Variants in FOXK1 observed in about 807,000 individuals in gnomAD.
FOXK1 encodes forkhead box protein K1.
Under a neutral mutation model 51.9 loss-of-function variants are expected in FOXK1, and 19 were observed. The observed-to-expected ratio is 0.37, with a 90% CI of 0.26 to 0.54. The LOEUF (loss-of-function observed/expected upper bound fraction) is 0.54, where lower values mean the gene tolerates loss of function less well. FOXK1 is among the 20% of genes least tolerant of loss of function. FOXK1 has a pLI of 0.87. For synonymous variants in FOXK1, 537 were observed against 482.6 expected (o/e 1.11, Z -1.48); for missense variants, 870 against 1,032.7 (o/e 0.84, Z 2.16).
rs1562393133 is a variant in FOXK1 at position 4,762,291 on chromosome 7, G to GCGGCCA, written c.2037_2042dup (p.Ala680_Thr681dup). 1.9e-6 allele frequency: 3 copies of GCGGCCA among 1,550,340 alleles called. No individual in the cohort carries two copies. The highest frequency in any genetic ancestry group is 2.0e-5 in the Admixed American group (1 of 50,994). ...GCCCAAGGAGCCAGCAGCAGCCGTC[G>GCGGCCA]CGGCCACGGCCACCACCACCCCAGC... On this transcript the variant is annotated inframe_insertion, in exon 9 of 9. Transcript: ENST00000328914. This position sits in a 1 kb window ranked among gnomAD's most constrained non-coding sequence, Gnocchi z 5.7.
At position 4,760,672 on chromosome 7, in the gene FOXK1, G is replaced by A. The variant is rs564547183; in HGVS notation, c.1697-392G>A. On this transcript the variant is annotated intron_variant, in intron 7 of 8. Transcript: ENST00000328914. ...TCAAGACCAGCCTGGCCAACATGGT[G>A]AAACCCCATCTCTACTGAAAATACA... Among the ~76,000 whole-genome samples the A allele has an allele frequency of 2.5e-4, 38 of 152,216 alleles. No homozygotes were observed. The South Asian group carries it at 6.6e-3, about 27-fold the overall frequency.
intron 1 of FOXK1, among the ~76,000 whole-genome samples, chr7:4,700,548 C>T (rs1043635848): frequency 2.0e-5 from 3 of 152,124 alleles, no homozygotes; most frequent in African/African-American, 7.2e-5. Flanking sequence ...AGTGGGATTA[C>T]ACCTGTAGTC....
chr7:4,702,621 C>T (rs1294784409), intron 1 of FOXK1, among the ~76,000 whole-genome samples: 1 of 152,250 alleles, frequency 6.6e-6, no homozygotes, highest in Non-Finnish European at 1.5e-5. Flanking sequence ...GCTGGGATTA[C>T]AGGCATGAGC....
intron 1 of FOXK1, among the ~76,000 whole-genome samples, chr7:4,698,312 GTA>G (rs992394596): frequency 4.6e-3 from 679 of 146,022 alleles, no homozygotes; most frequent in African/African-American, 9.7e-3. Context: ...GTATGTGTGT[GTA>G]TATATATATA....
At position 4,734,619 on chromosome 7, in the gene FOXK1, G is replaced by C. The variant is rs368614996; in HGVS notation, c.561-6219G>C. 2.9e-3 allele frequency among the ~76,000 whole-genome samples: 448 copies of C among 152,308 alleles called. 3 individuals are homozygous for C. The highest frequency in any genetic ancestry group is 0.01 in the African/African-American group (433 of 41,576). On this transcript the variant is annotated intron_variant, in intron 1 of 8. Coordinates refer to ENST00000328914, the MANE Select transcript of FOXK1 (RefSeq NM_001037165.2). The surrounding 1 kb of genome is among the most constrained non-coding windows in gnomAD (Gnocchi z 5.2). Reference sequence around the variant, plus strand: ...TCGGTGCACGGGGCTCCCTCCCTGGGGCTTCATGGGGGGCTCAGGAAGGCT... The same window carrying C: ...TCGGTGCACGGGGCTCCCTCCCTGGCGCTTCATGGGGGGCTCAGGAAGGCT...
intron 1 of FOXK1, among the ~76,000 whole-genome samples, chr7:4,688,698 T>C (rs936848242): frequency 3.9e-5 from 6 of 152,280 alleles, no homozygotes; most frequent in Middle Eastern, 3.4e-3. Flanking sequence ...TTTTTTCTCA[T>C]GGAGTCACTT....
At chr7:4,689,451 C>A (rs758927504) in intron 1 of FOXK1, among the ~76,000 whole-genome samples, 9 of 152,164 alleles carry the variant, frequency 5.9e-5, no homozygotes, top group Non-Finnish European at 1.2e-4. Context: ...ACTACATAAA[C>A]GTTTTAGCCC....
intron 7 of FOXK1, 115 bp from the exon 8 acceptor site, chr7:4,760,948 AT>A (rs945606167): frequency 2.2e-6 from 2 of 924,234 alleles, no homozygotes. Context: ...TAGCAAACCT[AT>A]TTTTTCCCAG....
rs565066608 is a variant in FOXK1 at position 4,754,092 on chromosome 7, A to C, written c.747-367A>C. The stretch of plus-strand genomic sequence containing the variant: ...TGTGGACACCTGTGCAGGAGCCAGC[A>C]GCCCGCGGAGGCTACCTGCTCCGGG... On this transcript the variant is annotated intron_variant, in intron 2 of 8. Transcript: ENST00000328914. Among the ~76,000 whole-genome samples the C allele has an allele frequency of 4.5e-4, 68 of 152,308 alleles. 1 individual carries two copies. Among genetic ancestry groups the C allele is most frequent in the African/African-American group, 1.6e-3 (65 of 41,570 alleles).
At chr7:4,697,783 GTGTGTGTT>G (rs1292164373) in intron 1 of FOXK1, among the ~76,000 whole-genome samples, 2 of 128,172 alleles carry the variant, frequency 1.6e-5, no homozygotes, top group Non-Finnish European at 3.6e-5. Flanking sequence ...GTGTGTGTGT[GTGTGTGTT>G]TCTTTGGTAT....
intron 1 of FOXK1, among the ~76,000 whole-genome samples, chr7:4,737,253 G>A (rs1043884901): frequency 3.9e-5 from 6 of 152,234 alleles, no homozygotes; most frequent in African/African-American, 1.4e-4. Flanking sequence ...GACACAGAAA[G>A]TCAGAGGTCT....
At chr7:4,726,310 C>T (rs1285045058) in intron 1 of FOXK1, among the ~76,000 whole-genome samples, 1 of 152,152 alleles carries the variant, frequency 6.6e-6, no homozygotes, top group Non-Finnish European at 1.5e-5. Context: ...GGACGGCGAT[C>T]ACCTTCCTGG....
In FOXK1 at chr7:4,703,973, G is replaced by T. The variant is rs147249994; in HGVS notation, c.560+21105G>T. On this transcript the variant is annotated intron_variant, in intron 1 of 8. Transcript: ENST00000328914. The surrounding 1 kb of genome is among the most constrained non-coding windows in gnomAD (Gnocchi z 5.6). Reference sequence around the variant, plus strand: ...AAAATGCGTGTATACGTACCCCTACGTGTGGAAAACTGGCTACCGCATGCT... The same window carrying T: ...AAAATGCGTGTATACGTACCCCTACTTGTGGAAAACTGGCTACCGCATGCT... Among the ~76,000 whole-genome samples the T allele has an allele frequency of 9.3e-4, 142 of 152,214 alleles. No homozygotes were observed. The highest frequency in any genetic ancestry group is 2.9e-3 in the African/African-American group (122 of 41,532).
In FOXK1 at chr7:4,706,004, G is replaced by GTA. The variant is rs1346149426; in HGVS notation, c.560+23143_560+23144dup. On this transcript the variant is annotated intron_variant, in intron 1 of 8. Coordinates refer to ENST00000328914, the MANE Select transcript of FOXK1 (RefSeq NM_001037165.2). ...TATACGTATATATACGTATATATAC[G>GTA]TATATATACGTATATATACGTGTAT... Among the ~76,000 whole-genome samples the GTA allele has an allele frequency of 1.3e-3, 128 of 97,260 alleles. 11 individuals carry two copies. The highest frequency in any genetic ancestry group is 0.011 in the African/African-American group (123 of 11,112). The allele number at this position is 97,260 out of a possible 152,430, so 63.8% of individuals were successfully genotyped here.
At chr7:4,736,356 A>G (rs948224913) in intron 1 of FOXK1, among the ~76,000 whole-genome samples, 14 of 151,692 alleles carry the variant, frequency 9.2e-5, no homozygotes, top group African/African-American at 2.4e-5. Context: ...CCTATAAAAC[A>G]TCGTTTTGTT....
rs991490462 is a variant in FOXK1 at position 4,709,720 on chromosome 7, C to G, written c.560+26852C>G. Among the ~76,000 whole-genome samples, 1 of 152,156 alleles carries G rather than the reference C, an allele frequency of 6.6e-6. No homozygotes were observed. Among genetic ancestry groups the G allele is most frequent in the Non-Finnish European group, 1.5e-5 (1 of 68,030 alleles). On this transcript the variant is annotated intron_variant, in intron 1 of 8. Transcript: ENST00000328914. This position sits in a 1 kb window ranked among gnomAD's most constrained non-coding sequence, Gnocchi z 5.6. ...TGCGTTTTACGCCATTGGTTTGGAC[C>G]CTGGAGCAGTGAAGTTCCACAGTGT...
chr7:4,694,210 G>C (rs1779926050), intron 1 of FOXK1, among the ~76,000 whole-genome samples: 1 of 152,108 alleles, frequency 6.6e-6, no homozygotes, highest in Non-Finnish European at 1.5e-5. Context: ...TGGAGACATT[G>C]TTGTGTGGGA....
At chr7:4,750,151 C>T (rs1316031790) in intron 2 of FOXK1, among the ~76,000 whole-genome samples, 1 of 152,240 alleles carries the variant, frequency 6.6e-6, no homozygotes, top group African/African-American at 2.4e-5. Context: ...TAGGGGTGAG[C>T]TGCTTACTGT....
Position 4,762,076 on chromosome 7 carries a change from C to A in FOXK1, c.1922-108C>A. On this transcript the variant is annotated intron_variant, in intron 8 of 8. Transcript: ENST00000328914. This position sits in a 1 kb window ranked among gnomAD's most constrained non-coding sequence, Gnocchi z 5.7. ...AGCCGTCCTGCCTGGCAGGGGTGCA[C>A]TGACCTCCGGTTCCGGCTTGGTGGC... 1 of 1,343,876 alleles carries A rather than the reference C, an allele frequency of 7.4e-7. No homozygotes were observed. Among genetic ancestry groups the A allele is most frequent in the Non-Finnish European group, 1.0e-6 (1 of 992,000 alleles). The allele number at this position is 1,343,876 out of a possible 1,614,324, so 83.2% of individuals were successfully genotyped here.
Sources: gnomAD v4.1 joint callset for allele counts (sites outside exome capture counted in the v4.1 genomes callset) on GRCh38, gnomAD v4.1.1 for gene constraint, Gnocchi (gnomAD v3.1) non-coding constraint, MANE v1.5 for transcripts, NCBI Gene and HGNC (gene_info 2026-07-23, HGNC 2026-07-21) for gene names.